Variants in NHSL2 observed in about 807,000 individuals in gnomAD.
The protein encoded by NHSL2 is NHS-like protein 2.
A neutral mutation model predicts 53.4 loss-of-function variants in NHSL2; 27 were observed. The observed-to-expected ratio is 0.51, with a 90% CI of 0.37 to 0.70. The LOEUF is 0.70. Ranked by LOEUF, NHSL2 falls within the 30% of genes least tolerant of loss-of-function variation. The probability of loss-of-function intolerance (pLI) is 0.00; values close to 1 mark genes in which losing one functional copy is unlikely to be tolerated. For synonymous variants in NHSL2, 408 were observed against 404.1 expected (o/e 1.01, Z -0.12); for missense variants, 892 against 980.1 (o/e 0.91, Z 1.20).
At chrX:72,030,784 C>A (rs1297059797) in intron 1 of NHSL2, among the ~76,000 whole-genome samples, 1 of 111,846 alleles carries the variant, frequency 8.9e-6, no homozygotes, top group East Asian at 2.8e-4. Flanking sequence ...AACTGGCTCA[C>A]AAAATTATGA....
chrX:71,913,780 T>G (rs1311965567), intron 1 of NHSL2, among the ~76,000 whole-genome samples: 1 of 110,204 alleles, frequency 9.1e-6, no homozygotes, highest in Non-Finnish European at 1.9e-5. Context: ...TAGTGGCAAG[T>G]CAGACTGGCC....
At chrX:72,089,249 TAA>T (rs11349378) in intron 1 of NHSL2, among the ~76,000 whole-genome samples, 5,396 of 101,086 alleles carry the variant, frequency 0.053, 369 homozygotes, top group African/African-American at 0.18. Flanking sequence ...GAGGATTTGT[TAA>T]AAAAAAAAAA....
At chrX:71,967,648 C>T (rs1430073244) in intron 1 of NHSL2, among the ~76,000 whole-genome samples, 1 of 111,519 alleles carries the variant, frequency 9.0e-6, no homozygotes, top group African/African-American at 3.3e-5. Flanking sequence ...TGAGAGCAGA[C>T]ATTATATGAT....
chrX:71,928,324 T>C (rs1414258359), intron 1 of NHSL2, among the ~76,000 whole-genome samples: 1 of 112,067 alleles, frequency 8.9e-6, no homozygotes, highest in South Asian at 3.7e-4. Context: ...AGGAACTGAA[T>C]TGGGCCCTGG....
chrX:72,121,052 G>A (rs1490535664), intron 1 of NHSL2, among the ~76,000 whole-genome samples: 3 of 112,631 alleles, frequency 2.7e-5, no homozygotes, highest in Non-Finnish European at 5.6e-5. Flanking sequence ...CACTCGCTTT[G>A]AGTCTTGAAT....
chrX:72,097,150 T>C (rs967137837), intron 1 of NHSL2, among the ~76,000 whole-genome samples: 13 of 112,340 alleles, frequency 1.2e-4, no homozygotes, highest in African/African-American at 3.6e-4. Flanking sequence ...TTCTTTGAAT[T>C]GGATTCCTTT....
intron 1 of NHSL2, among the ~76,000 whole-genome samples, chrX:71,928,420 G>T (rs1189163079): frequency 4.5e-5 from 5 of 112,287 alleles, no homozygotes; most frequent in Non-Finnish European, 9.4e-5. Flanking sequence ...TAAGAAGACT[G>T]CAATAAAAGA....
chrX:72,047,834 G>T (rs1251869288), intron 1 of NHSL2, among the ~76,000 whole-genome samples: 1 of 110,955 alleles, frequency 9.0e-6, no homozygotes, highest in Non-Finnish European at 1.9e-5. Flanking sequence ...CAAAGAGGAG[G>T]CAAGATGGGA....
intron 1 of NHSL2, among the ~76,000 whole-genome samples, chrX:71,932,526 C>T (rs769274860): frequency 3.5e-4 from 39 of 110,898 alleles, no homozygotes; most frequent in African/African-American, 1.2e-3. Flanking sequence ...TACCGTAGTC[C>T]GAGAGAGAGA....
intron 1 of NHSL2, among the ~76,000 whole-genome samples, chrX:72,008,534 TG>T (rs1176023681): frequency 2.7e-5 from 3 of 111,970 alleles, no homozygotes; most frequent in Non-Finnish European, 5.6e-5. Context: ...GGAGTTGTTC[TG>T]GAGTCAGGAA....
At chrX:72,012,694 G>A (rs1472477268) in intron 1 of NHSL2, among the ~76,000 whole-genome samples, 4 of 112,664 alleles carry the variant, frequency 3.6e-5, no homozygotes, top group Non-Finnish European at 5.6e-5. Flanking sequence ...GAATCAGGAC[G>A]TAGACGTATC....
chrX:72,017,926 T>C (rs913919827), intron 1 of NHSL2, among the ~76,000 whole-genome samples: 5 of 110,905 alleles, frequency 4.5e-5, no homozygotes, highest in African/African-American at 1.3e-4. Flanking sequence ...CTGACTCTAA[T>C]TTAGACCCTG....
In NHSL2 at chrX:72,140,052, C is replaced by T; in HGVS notation, c.2504C>T (p.Ser835Leu). The T allele has an allele frequency of 3.3e-6, 4 of 1,209,213 alleles. No homozygotes were observed. Among genetic ancestry groups the T allele is most frequent in the African/African-American group, 1.7e-5 (1 of 57,729 alleles). Residue 835 changes from serine (S) to leucine (L), a missense_variant, in exon 6 of 8, where the codon TCG becomes TTG. By Grantham distance (145) the Ser-to-Leu change is moderately radical (BLOSUM62 -2). Transcript: ENST00000633930. ...QSDLRSVRLRSVSKSEPEDDI... is the reference protein window; with the variant it reads ...QSDLRSVRLRLVSKSEPEDDI... ...GACCTACGTTCTGTTCGCCTGAGGT[C>T]GGTCAGCAAGTCTGAGCCGGAAGAT...
In NHSL2 at chrX:72,011,442, T is replaced by C. The variant is rs191944955; in HGVS notation, c.280+100075T>C. On this transcript the variant is annotated intron_variant, in intron 1 of 7. Coordinates refer to ENST00000633930, the MANE Select transcript of NHSL2 (RefSeq NM_001013627.3). The stretch of plus-strand genomic sequence containing the variant: ...ATCCCAGCACTTTGGGAGGCCAAGG[T>C]GGGCGGATCACGAGGTCAGGAGATC... Among the ~76,000 whole-genome samples the C allele has an allele frequency of 3.4e-3, 383 of 112,173 alleles. 1 individual carries two copies. Among genetic ancestry groups the C allele is most frequent in the Admixed American group, 0.014 (149 of 10,647 alleles).
chrX:72,005,793 A>C (rs1426942169), intron 1 of NHSL2, among the ~76,000 whole-genome samples: 2 of 112,104 alleles, frequency 1.8e-5, no homozygotes, highest in African/African-American at 6.5e-5. Context: ...GTTCTACCAG[A>C]CTGGGTTAGT....
Position 71,984,558 on chromosome X carries a change from G to A in NHSL2, c.280+73191G>A, listed in dbSNP as rs1260670723. Among the ~76,000 whole-genome samples the A allele has an allele frequency of 2.7e-5, 3 of 111,921 alleles. No homozygotes were observed. The Admixed American group carries it at 2.8e-4, about 11-fold the overall frequency. On this transcript the variant is annotated intron_variant, in intron 1 of 7. Coordinates refer to ENST00000633930, the MANE Select transcript of NHSL2 (RefSeq NM_001013627.3). ...GAGAAGCAGTCAGAGATCACTGGATGATTCACAGGAATAAGCAGAGTCAGT... is the reference window on the plus strand; with the variant it reads ...GAGAAGCAGTCAGAGATCACTGGATAATTCACAGGAATAAGCAGAGTCAGT...
At chrX:72,127,040 G>C (rs1264942342) in intron 1 of NHSL2, 2 of 111,541 alleles carry the variant, frequency 1.8e-5, no homozygotes, top group African/African-American at 3.3e-5. Flanking sequence ...ACTCCGGCAG[G>C]GGACCTTGGA....
intron 1 of NHSL2, among the ~76,000 whole-genome samples, chrX:72,020,869 G>A (rs949478379): frequency 8.9e-6 from 1 of 112,773 alleles, no homozygotes; most frequent in Non-Finnish European, 1.9e-5. Flanking sequence ...TGTTTCAGAA[G>A]GTCTGGAGAA....
At chrX:72,110,707 T>A (rs1388750083) in intron 1 of NHSL2, among the ~76,000 whole-genome samples, 1 of 86,537 alleles carries the variant, frequency 1.2e-5, no homozygotes, top group African/African-American at 4.4e-5. Context: ...CCTCCTTGTT[T>A]CTTCCATCCT....
Sources: gnomAD v4.1 joint callset for allele counts (sites outside exome capture counted in the v4.1 genomes callset) on GRCh38, gnomAD v4.1.1 for gene constraint, MANE v1.5 for transcripts, NCBI Gene and HGNC (gene_info 2026-07-23, HGNC 2026-07-21) for gene names.